The following ZNF385D variants were observed in gnomAD, a reference collection of about 807,000 sequenced individuals.
ZNF385D encodes zinc finger protein 385D.
Under a neutral mutation model 35.8 loss-of-function variants are expected in ZNF385D, and 15 were observed. The ratio of observed to expected loss-of-function variants is 0.42; its 90% CI spans 0.28 to 0.64. The LOEUF (loss-of-function observed/expected upper bound fraction) is 0.64. Ranked by LOEUF, ZNF385D falls within the 30% of genes least tolerant of loss-of-function variation. The probability of loss-of-function intolerance (pLI) is 0.23; values close to 1 mark genes in which losing one functional copy is unlikely to be tolerated. For synonymous variants in ZNF385D, 212 were observed against 186.8 expected (o/e 1.13, Z -1.10); for missense variants, 474 against 494.6 (o/e 0.96, Z 0.39).
At chr3:22,092,514 C>A (rs1016808474) in intron 3 of ZNF385D, among the ~76,000 whole-genome samples, 1 of 152,122 alleles carries the variant, frequency 6.6e-6, no homozygotes, top group Non-Finnish European at 1.5e-5. Context: ...TACTTTGCAG[C>A]CTCAGCAAAC....
chr3:21,997,991 C>G (rs1483462305), intron 3 of ZNF385D, among the ~76,000 whole-genome samples: 1 of 151,600 alleles, frequency 6.6e-6, no homozygotes, highest in Non-Finnish European at 1.5e-5. Context: ...CAGATCAAAA[C>G]AGGATGTAGC....
intron 3 of ZNF385D, among the ~76,000 whole-genome samples, chr3:22,155,011 G>A (rs1197022266): frequency 6.6e-6 from 1 of 152,136 alleles, no homozygotes; most frequent in African/African-American, 2.4e-5. Context: ...ATTGAACAGT[G>A]TAAGGGAGAA....
intron 2 of ZNF385D, among the ~76,000 whole-genome samples, chr3:21,628,230 G>A (rs1383422745): frequency 6.6e-6 from 1 of 152,056 alleles, no homozygotes; most frequent in Non-Finnish European, 1.5e-5. Context: ...CTGACACCAT[G>A]GGCTTTAAGG....
intron 3 of ZNF385D, among the ~76,000 whole-genome samples, chr3:22,031,592 A>G (rs1698006737): frequency 6.6e-6 from 1 of 152,144 alleles, no homozygotes; most frequent in African/African-American, 2.4e-5. Flanking sequence ...GTGTCCCTGG[A>G]CTGGGCCTAC....
rs150972460 is a variant in ZNF385D at position 22,193,381 on chromosome 3, G to A, written c.107-24346C>T. Among the ~76,000 whole-genome samples, 238 of 149,366 alleles carry A rather than the reference G, an allele frequency of 1.6e-3. 1 individual carries two copies. The highest frequency in any genetic ancestry group is 5.6e-3 in the African/African-American group (232 of 41,406). On this transcript the variant is annotated intron_variant, in intron 2 of 5. Transcript: ENST00000494108. ...ATACAATCATACCAATTTTGAAATAGATCAAAAAAATTAAAATCCTAACCT... is the reference window on the plus strand; with the variant it reads ...ATACAATCATACCAATTTTGAAATAAATCAAAAAAATTAAAATCCTAACCT...
chr3:22,016,560 G>C (rs1290691565), intron 3 of ZNF385D, among the ~76,000 whole-genome samples: 2 of 152,026 alleles, frequency 1.3e-5, no homozygotes, highest in Non-Finnish European at 2.9e-5. Flanking sequence ...TCAAAGGGGA[G>C]AGTATTTCAG....
At chr3:21,734,965 T>C (rs564995760) in intron 1 of ZNF385D, among the ~76,000 whole-genome samples, 149 of 152,286 alleles carry the variant, frequency 9.8e-4, no homozygotes, top group African/African-American at 3.3e-3. Flanking sequence ...CCTTTGGGAC[T>C]CGTGTGGGCT....
intron 3 of ZNF385D, among the ~76,000 whole-genome samples, chr3:21,530,524 C>T (rs1232601337): frequency 1.3e-5 from 2 of 152,134 alleles, no homozygotes; most frequent in African/African-American, 4.8e-5. Context: ...TACTTGCCTC[C>T]AATCAGCTTT....
chr3:22,136,334 G>C (rs1704102596), intron 3 of ZNF385D, among the ~76,000 whole-genome samples: 2 of 151,876 alleles, frequency 1.3e-5, no homozygotes, highest in Admixed American at 1.3e-4. Context: ...GTTGCACTGA[G>C]CCAAGATCAC....
intron 4 of ZNF385D, among the ~76,000 whole-genome samples, chr3:21,500,190 T>G (rs1480826448): frequency 1.3e-5 from 2 of 152,234 alleles, no homozygotes; most frequent in Non-Finnish European, 2.9e-5. Context: ...TTAAATGTAA[T>G]AAAGTTCAAT....
intron 2 of ZNF385D, among the ~76,000 whole-genome samples, chr3:21,658,715 C>T (rs541550905): frequency 2.0e-4 from 31 of 151,996 alleles, no homozygotes; most frequent in Middle Eastern, 3.4e-3. Flanking sequence ...TCTCAGATTC[C>T]AAAGCAAACC....
chr3:21,640,034 C>T (rs939331174), intron 2 of ZNF385D, among the ~76,000 whole-genome samples: 1 of 151,964 alleles, frequency 6.6e-6, no homozygotes, highest in African/African-American at 2.4e-5. Flanking sequence ...AATTGTTAGC[C>T]TTAAATTATT....
intron 2 of ZNF385D, among the ~76,000 whole-genome samples, chr3:21,603,346 G>C (rs1219232445): frequency 2.6e-5 from 4 of 151,702 alleles, no homozygotes; most frequent in Admixed American, 2.6e-4. Context: ...AATGTCTTTG[G>C]AAGTTAAAAG....
At chr3:22,285,119 G>T (rs1282848264) in intron 2 of ZNF385D, among the ~76,000 whole-genome samples, 2 of 152,106 alleles carry the variant, frequency 1.3e-5, no homozygotes, top group Non-Finnish European at 2.9e-5. Context: ...ATTAGAGGTA[G>T]TATTTCCCTG....
intron 2 of ZNF385D, among the ~76,000 whole-genome samples, chr3:22,179,533 C>G (rs942353979): frequency 2.0e-5 from 3 of 152,242 alleles, no homozygotes; most frequent in African/African-American, 7.2e-5. Flanking sequence ...CATCTGCAAA[C>G]AGGGACAATC....
intron 3 of ZNF385D, among the ~76,000 whole-genome samples, chr3:22,115,407 T>C (rs1702755162): frequency 6.6e-6 from 1 of 152,084 alleles, no homozygotes; most frequent in African/African-American, 2.4e-5. Context: ...TAGGTGTCCT[T>C]TGGATTTTAT....
At position 21,812,830 on chromosome 3, in the gene ZNF385D, G is replaced by C. The variant is rs573736052; in HGVS notation, c.326-147802C>G. On this transcript the variant is annotated intron_variant, in intron 3 of 5. Transcript: ENST00000494108. ...CAGAATTAAACGTCCCTGTCTGACA[G>C]CTTTGAAGAGAGTAGTAGTTCTCCC... is the stretch of plus-strand genomic sequence containing the variant. Among the ~76,000 whole-genome samples, 36 of 152,348 alleles carry C rather than the reference G, an allele frequency of 2.4e-4. 1 individual carries two copies. The South Asian group carries it at 5.4e-3, about 23-fold the overall frequency.
At chr3:21,575,251 C>A (rs2063462674) in intron 2 of ZNF385D, among the ~76,000 whole-genome samples, 1 of 152,096 alleles carries the variant, frequency 6.6e-6, no homozygotes, top group African/African-American at 2.4e-5. Context: ...TCACCCAAGA[C>A]CAAGACCCAG....
chr3:22,297,260 A>G (rs1702637516), intron 2 of ZNF385D, among the ~76,000 whole-genome samples: 1 of 152,006 alleles, frequency 6.6e-6, no homozygotes, highest in Admixed American at 6.6e-5. Context: ...AGGACCTATC[A>G]TACATATGTC....
Sources: allele counts gnomAD v4.1 joint callset (sites outside exome capture counted in the v4.1 genomes callset), GRCh38; gene constraint gnomAD v4.1.1; transcripts MANE v1.5; gene names NCBI Gene and HGNC (gene_info 2026-07-23, HGNC 2026-07-21).